The following DACH2 variants were observed in gnomAD, a reference collection of about 807,000 sequenced individuals.
The protein encoded by DACH2 is dachshund homolog 2.
In DACH2, 17 loss-of-function variants were observed where a neutral mutation model predicts 35.8. That is an observed-to-expected ratio of 0.48 (90% CI 0.33 to 0.71). The LOEUF is 0.71. DACH2 is among the 30% of genes least tolerant of loss of function. DACH2 has a pLI of 0.02. For missense variants in DACH2, 469 were observed against 472.7 expected, an observed-to-expected ratio of 0.99 and a Z score of 0.07; for synonymous variants, 195 against 177.3, an observed-to-expected ratio of 1.10 and a Z score of -0.79.
intron 2 of DACH2, among the ~76,000 whole-genome samples, chrX:86,413,317 G>A (rs1394542614): frequency 4.5e-5 from 5 of 112,022 alleles, no homozygotes; most frequent in Non-Finnish European, 9.4e-5. Context: ...GTATATTGCT[G>A]GTCTCGCCAG....
At chrX:86,513,792 C>T (rs185331957) in intron 2 of DACH2, among the ~76,000 whole-genome samples, 1 of 111,848 alleles carries the variant, frequency 8.9e-6, no homozygotes, top group African/African-American at 3.2e-5. Flanking sequence ...CGTTGGCTCC[C>T]AGCAGCTGTG....
At chrX:86,630,943 A>C (rs980892315) in intron 3 of DACH2, among the ~76,000 whole-genome samples, 4 of 111,804 alleles carry the variant, frequency 3.6e-5, no homozygotes, top group African/African-American at 1.3e-4. Context: ...TTTAGCACAG[A>C]TTGAGTGTAT....
At chrX:86,421,462 T>G (rs1279436411) in intron 2 of DACH2, among the ~76,000 whole-genome samples, 1 of 111,015 alleles carries the variant, frequency 9.0e-6, no homozygotes, top group African/African-American at 3.3e-5. Context: ...CCTTGAAGGG[T>G]GATTGATTTG....
At chrX:86,296,602 C>A (rs1453856231) in intron 1 of DACH2, among the ~76,000 whole-genome samples, 2 of 110,512 alleles carry the variant, frequency 1.8e-5, no homozygotes, top group African/African-American at 6.6e-5. Context: ...CATTATTAGA[C>A]CCTCTTTGTT....
intron 2 of DACH2, among the ~76,000 whole-genome samples, chrX:86,413,704 C>T (rs777824957): frequency 1.8e-5 from 2 of 110,809 alleles, no homozygotes; most frequent in South Asian, 7.8e-4. Context: ...GGGTATTTCC[C>T]ACCATCATAG....
At chrX:86,611,402 C>T (rs1331258943) in intron 3 of DACH2, among the ~76,000 whole-genome samples, 2 of 110,384 alleles carry the variant, frequency 1.8e-5, no homozygotes, top group Non-Finnish European at 3.8e-5. Context: ...CACAATCCCT[C>T]CCTTATCCAC....
At chrX:86,520,682 G>C (rs1050476862) in intron 3 of DACH2, among the ~76,000 whole-genome samples, 1 of 110,956 alleles carries the variant, frequency 9.0e-6, no homozygotes, top group Non-Finnish European at 1.9e-5. Context: ...ATATTTCATT[G>C]GTTGGAAATC....
intron 1 of DACH2, among the ~76,000 whole-genome samples, chrX:86,149,948 T>C (rs891107464): frequency 1.8e-5 from 2 of 111,596 alleles, no homozygotes; most frequent in East Asian, 5.7e-4. Flanking sequence ...AGGCGAACAG[T>C]TGGAAGGATC....
At chrX:86,537,008 G>A (rs1047897369) in intron 3 of DACH2, among the ~76,000 whole-genome samples, 2 of 111,570 alleles carry the variant, frequency 1.8e-5, no homozygotes, top group Non-Finnish European at 3.8e-5. Flanking sequence ...AGCTCTCTGT[G>A]GTGGCTCCAC....
intron 1 of DACH2, among the ~76,000 whole-genome samples, chrX:86,173,554 G>A (rs181341105): frequency 1.6e-4 from 18 of 111,573 alleles, no homozygotes; most frequent in African/African-American, 5.9e-4. Context: ...AGAACAGTTG[G>A]ACCAGAAGCC....
chrX:86,508,842 C>T (rs1439576276), intron 2 of DACH2, among the ~76,000 whole-genome samples: 1 of 111,474 alleles, frequency 9.0e-6, no homozygotes, highest in Non-Finnish European at 1.9e-5. Context: ...AGTTATACTT[C>T]CTGTCAAGTG....
At chrX:86,472,407 C>T (rs994312997) in intron 2 of DACH2, among the ~76,000 whole-genome samples, 2 of 111,576 alleles carry the variant, frequency 1.8e-5, no homozygotes, top group Non-Finnish European at 3.8e-5. Context: ...TGGAAGAAAG[C>T]GAATCCTGTT....
intron 7 of DACH2, among the ~76,000 whole-genome samples, chrX:86,811,393 G>C (rs746354102): frequency 1.8e-4 from 20 of 111,424 alleles, no homozygotes; most frequent in Admixed American, 5.7e-4. Flanking sequence ...GGAAAATGAA[G>C]TCCATATTCC....
chrX:86,501,268 C>A (rs755332774), intron 2 of DACH2, among the ~76,000 whole-genome samples: 28 of 111,695 alleles, frequency 2.5e-4, no homozygotes, highest in Non-Finnish European at 4.3e-4. Flanking sequence ...ATAATGTGTG[C>A]AGTTTTGAAG....
intron 2 of DACH2, among the ~76,000 whole-genome samples, chrX:86,423,753 C>G (rs1447692276): frequency 9.0e-6 from 1 of 110,731 alleles, no homozygotes; most frequent in African/African-American, 3.3e-5. Context: ...GTCCTGGAGA[C>G]TTTTCCCAAT....
chrX:86,257,854 G>T (rs2033553053), intron 1 of DACH2, among the ~76,000 whole-genome samples: 1 of 112,237 alleles, frequency 8.9e-6, no homozygotes. Context: ...GGTCAGCTAA[G>T]ATGCTTTCTC....
intron 1 of DACH2, among the ~76,000 whole-genome samples, chrX:86,225,199 G>T (rs2032797344): frequency 9.0e-6 from 1 of 111,660 alleles, no homozygotes; most frequent in African/African-American, 3.2e-5. Context: ...CTTGCGTTGA[G>T]CAGTGAAGTG....
Position 86,502,011 on chromosome X carries a change from T to C in DACH2, c.528-12268T>C, listed in dbSNP as rs5922245. Among the ~76,000 whole-genome samples the C allele has an allele frequency of 9.1e-3, 873 of 95,520 alleles. 8 individuals carry two copies. The highest frequency in any genetic ancestry group is 0.033 in the Middle Eastern group (6 of 182). The allele number at this position is 95,520 out of a possible 115,157, so 82.9% of individuals were successfully genotyped here. A position where few individuals can be genotyped will look rare whatever the true frequency, so the allele number is the denominator to read the frequency against. On this transcript the variant is annotated intron_variant, in intron 2 of 11. Coordinates refer to ENST00000373125, the MANE Select transcript of DACH2 (RefSeq NM_053281.3). ...ATTTTGAATAATCCTTCTTTCCTTC[T>C]TTCCTTCCTTCCTTCCTTCCTTCCT...
rs777829562 is a variant in DACH2, at chrX:86,330,907, T to A, written c.489-45917T>A. 1.5e-4 allele frequency among the ~76,000 whole-genome samples: 17 copies of A among 112,059 alleles called. No individual in the cohort carries two copies. The South Asian group carries it at 6.3e-3, about 41-fold the overall frequency. ...TGGATTTTGTCCTGAGTTCCTAATT[T>A]GAACAACTACAAAGAACATGATTTC... On this transcript the variant is annotated intron_variant, in intron 1 of 11. Transcript: ENST00000373125.
Sources: gnomAD v4.1 joint callset for allele counts (sites outside exome capture counted in the v4.1 genomes callset) on GRCh38, gnomAD v4.1.1 for gene constraint, MANE v1.5 for transcripts, NCBI Gene and HGNC (gene_info 2026-07-23, HGNC 2026-07-21) for gene names.